ATP8B4: variants seen among roughly 807,000 people sequenced by gnomAD.
The protein encoded by ATP8B4 is probable phospholipid-transporting ATPase IM.
Under a neutral mutation model 145.6 loss-of-function variants are expected in ATP8B4, and 133 were observed. The ratio of observed to expected loss-of-function variants is 0.91; its 90% CI spans 0.79 to 1.05. The LOEUF is 1.05. ATP8B4 is among the 50% of genes least tolerant of loss of function. The pLI is 0.00. For missense variants in ATP8B4, 1,458 were observed against 1,425.2 expected (o/e 1.02, Z -0.37); for synonymous variants, 507 against 492.9 (o/e 1.03, Z -0.38).
At position 49,879,278 on chromosome 15, in the gene ATP8B4, A is replaced by C. The variant is rs1008358353; in HGVS notation, c.2781+98T>G. 8 of 1,078,058 alleles carry C rather than the reference A, an allele frequency of 7.4e-6. No homozygotes were observed. The Admixed American group carries it at 1.0e-4, about 14-fold the overall frequency. 66.8% of individuals were successfully genotyped at this position (1,078,058 alleles called of 1,614,324 possible). On this transcript the variant is annotated intron_variant, in intron 24 of 27. Transcript: ENST00000284509. ...AAGCAACTAAAACAACTGCATTCCT[A>C]GGGCTGCTACTTAGAATTGTGTTTT... is the stretch of plus-strand genomic sequence containing the variant.
At chr15:50,110,977 A>G (rs941113952) in intron 1 of ATP8B4, among the ~76,000 whole-genome samples, 2 of 152,186 alleles carry the variant, frequency 1.3e-5, no homozygotes, top group Non-Finnish European at 2.9e-5. Context: ...TAATGCAAGA[A>G]ATAGCAAAGT....
chr15:50,042,365 A>G (rs1205123105), intron 5 of ATP8B4, among the ~76,000 whole-genome samples: 1 of 152,198 alleles, frequency 6.6e-6, no homozygotes, highest in African/African-American at 2.4e-5. Flanking sequence ...ATTATATGTA[A>G]GATAACTATG....
intron 1 of ATP8B4, among the ~76,000 whole-genome samples, chr15:50,138,309 TATAGATAGATAGATAGGTAG>T (rs1281091378): frequency 1.4e-5 from 2 of 141,060 alleles, no homozygotes; most frequent in South Asian, 2.3e-4. Context: ...TAGATACATA[TATAGATAGATAGATAGGTAG>T]ATAGATAGAT....
chr15:50,170,149 C>G (rs965274957), intron 1 of ATP8B4, among the ~76,000 whole-genome samples: 20 of 151,996 alleles, frequency 1.3e-4, no homozygotes, highest in Non-Finnish European at 2.6e-4. Context: ...TGTTAGAGAC[C>G]TAGACATGTA....
chr15:49,874,310 G>A (rs2034070837), intron 25 of ATP8B4, among the ~76,000 whole-genome samples: 1 of 152,206 alleles, frequency 6.6e-6, no homozygotes, highest in African/African-American at 2.4e-5. Context: ...TGGATCCAGG[G>A]AGGCCCCTCT....
intron 1 of ATP8B4, among the ~76,000 whole-genome samples, chr15:50,147,025 T>G (rs1012072384): frequency 4.6e-5 from 7 of 152,232 alleles, no homozygotes; most frequent in African/African-American, 1.7e-4. Flanking sequence ...GGTTGTTTTT[T>G]GTTTTTTAAA....
chr15:50,066,369 C>G (rs1197723323), intron 3 of ATP8B4, among the ~76,000 whole-genome samples: 2 of 152,108 alleles, frequency 1.3e-5, no homozygotes, highest in African/African-American at 4.8e-5. Flanking sequence ...CAACCAGAAA[C>G]CCATAACAAA....
chr15:49,995,621 C>G (rs770661114), intron 9 of ATP8B4, among the ~76,000 whole-genome samples: 1 of 152,110 alleles, frequency 6.6e-6, no homozygotes, highest in Non-Finnish European at 1.5e-5. Context: ...GAGCTCTAAG[C>G]TCTGCACTGG....
At chr15:50,142,921 G>A (rs779474520) in intron 1 of ATP8B4, among the ~76,000 whole-genome samples, 72 of 152,136 alleles carry the variant, frequency 4.7e-4, no homozygotes, top group Admixed American at 8.5e-4. Flanking sequence ...CCTCCCTTTT[G>A]AGAAGAAACG....
At chr15:49,908,032 G>A (rs754010724) in intron 20 of ATP8B4, 1 of 455,994 alleles carries the variant, frequency 2.2e-6, no homozygotes, top group South Asian at 1.5e-5. Context: ...ACTACTTTGG[G>A]CAAGTTACTT....
At chr15:49,931,412 G>T in intron 15 of ATP8B4, 105 bp from the exon 16 acceptor site, 1 of 1,119,016 alleles carries the variant, frequency 8.9e-7, no homozygotes, top group East Asian at 2.5e-5. Context: ...TCAAGCATCA[G>T]GTCTAAAAAT....
intron 4 of ATP8B4, among the ~76,000 whole-genome samples, chr15:50,045,871 T>C (rs897084332): frequency 1.3e-5 from 2 of 152,190 alleles, no homozygotes; most frequent in Admixed American, 6.5e-5. Flanking sequence ...AATTCTGGAA[T>C]GGTGTGAAGT....
intron 9 of ATP8B4, among the ~76,000 whole-genome samples, chr15:49,990,440 T>G (rs2046962594): frequency 6.6e-6 from 1 of 152,154 alleles, no homozygotes. Context: ...AATAATGAAG[T>G]GTAAATACAA....
At chr15:50,067,263 A>C (rs2053446135) in intron 3 of ATP8B4, among the ~76,000 whole-genome samples, 1 of 152,132 alleles carries the variant, frequency 6.6e-6, no homozygotes, top group African/African-American at 2.4e-5. Context: ...TATGGAGGGC[A>C]AATAAAATCC....
At position 49,859,187 on chromosome 15, in the gene ATP8B4, A is replaced by C. The variant is rs1054946414; in HGVS notation, c.*1007T>G. ...TACATGTTTGAATTATAAACATGAC[A>C]GCTGAGTATCAAAAGCAACTAATTT... On this transcript the variant is annotated 3_prime_UTR_variant, in exon 28 of 28. Coordinates refer to ENST00000284509, the MANE Select transcript of ATP8B4 (RefSeq NM_024837.4). 15 of 152,244 alleles carry C rather than the reference A, an allele frequency of 9.9e-5. No homozygotes were observed. The highest frequency in any genetic ancestry group is 3.1e-4 in the African/African-American group (13 of 41,468). 9.4% of individuals were successfully genotyped at this position (152,244 alleles called of 1,614,324 possible).
intron 3 of ATP8B4, among the ~76,000 whole-genome samples, chr15:50,058,064 C>A (rs57556950): frequency 0.072 from 11,005 of 152,180 alleles, 589 homozygotes; most frequent in East Asian, 0.28. Context: ...AGAAGGCATA[C>A]AAAAGAGCAA....
chr15:50,094,759 A>T (rs1449553125), intron 2 of ATP8B4, among the ~76,000 whole-genome samples: 1 of 149,818 alleles, frequency 6.7e-6, no homozygotes, highest in Non-Finnish European at 1.5e-5. Flanking sequence ...GTTTTACTAG[A>T]GAATCCTGAC....
chr15:49,892,359 TA>T (rs1378579354), intron 23 of ATP8B4, among the ~76,000 whole-genome samples: 1 of 152,172 alleles, frequency 6.6e-6, no homozygotes, highest in Non-Finnish European at 1.5e-5. Flanking sequence ...ACTTTGAGAA[TA>T]ATGGAAAAGA....
chr15:49,864,986 C>T (rs1389261806), intron 26 of ATP8B4, among the ~76,000 whole-genome samples: 1 of 152,160 alleles, frequency 6.6e-6, no homozygotes, highest in Non-Finnish European at 1.5e-5. Flanking sequence ...TTGAAATCCT[C>T]AGTGATATGT....
Sources: gnomAD v4.1 joint callset for allele counts (sites outside exome capture counted in the v4.1 genomes callset) on GRCh38, gnomAD v4.1.1 for gene constraint, MANE v1.5 for transcripts, NCBI Gene and HGNC (gene_info 2026-07-23, HGNC 2026-07-21) for gene names.